The following ZNF385D variants were observed in gnomAD, a reference collection of about 807,000 sequenced individuals.
ZNF385D encodes zinc finger protein 659.
In ZNF385D, 15 loss-of-function variants were observed where a neutral mutation model predicts 35.8. The ratio of observed to expected loss-of-function variants is 0.42; its 90% CI spans 0.28 to 0.64. ZNF385D has a LOEUF of 0.64. Among genes scored for constraint, ZNF385D ranks in the 30% least tolerant of loss-of-function variants. The probability of loss-of-function intolerance (pLI) is 0.23; values close to 1 mark genes in which losing one functional copy is unlikely to be tolerated. For missense variants in ZNF385D, 474 were observed against 494.6 expected, an observed-to-expected ratio of 0.96 and a Z score of 0.39; for synonymous variants, 212 against 186.8, an observed-to-expected ratio of 1.13 and a Z score of -1.10.
At chr3:22,200,481 T>C (rs1175408533) in intron 2 of ZNF385D, among the ~76,000 whole-genome samples, 1 of 151,874 alleles carries the variant, frequency 6.6e-6, no homozygotes, top group African/African-American at 2.4e-5. Flanking sequence ...CACAAGGTAA[T>C]AGAATATCAC....
At chr3:21,551,243 C>T (rs994506644) in intron 3 of ZNF385D, among the ~76,000 whole-genome samples, 1 of 152,182 alleles carries the variant, frequency 6.6e-6, no homozygotes, top group Non-Finnish European at 1.5e-5. Context: ...GTAGTAACAA[C>T]CATTGAAACT....
At chr3:22,175,405 T>A (rs145488547) in intron 2 of ZNF385D, among the ~76,000 whole-genome samples, 195 of 152,040 alleles carry the variant, frequency 1.3e-3, no homozygotes, top group African/African-American at 4.4e-3. Flanking sequence ...ACAATTATCA[T>A]AAGTGGATTT....
chr3:22,074,208 C>T (rs939344569), intron 3 of ZNF385D, among the ~76,000 whole-genome samples: 16 of 151,816 alleles, frequency 1.1e-4, no homozygotes, highest in Middle Eastern at 3.4e-3. Context: ...TCTGTGCCAG[C>T]TCATTTGCTC....
chr3:21,571,971 G>A (rs1186771231), intron 2 of ZNF385D, among the ~76,000 whole-genome samples: 1 of 151,988 alleles, frequency 6.6e-6, no homozygotes, highest in Non-Finnish European at 1.5e-5. Flanking sequence ...TTTTTTTGTG[G>A]ATTGCATTAT....
intron 3 of ZNF385D, among the ~76,000 whole-genome samples, chr3:21,897,923 T>G (rs1271968029): frequency 3.9e-5 from 6 of 152,192 alleles, no homozygotes. Context: ...TTTGTTGTTA[T>G]TTGTTAGTTT....
At chr3:21,938,336 C>T (rs1213627446) in intron 3 of ZNF385D, among the ~76,000 whole-genome samples, 3 of 152,186 alleles carry the variant, frequency 2.0e-5, no homozygotes, top group Non-Finnish European at 2.9e-5. Context: ...ACACATGTCA[C>T]TGAAGTGTAT....
chr3:22,254,659 CTA>C (rs1432044596), intron 2 of ZNF385D, among the ~76,000 whole-genome samples: 1 of 151,702 alleles, frequency 6.6e-6, no homozygotes, highest in African/African-American at 2.4e-5. Flanking sequence ...ACATACATAA[CTA>C]TGATAAAGTT....
At chr3:21,823,615 T>A (rs1575722766) in intron 3 of ZNF385D, among the ~76,000 whole-genome samples, 1 of 152,310 alleles carries the variant, frequency 6.6e-6, no homozygotes, top group East Asian at 1.9e-4. Context: ...GTGATAATTT[T>A]GCACACAGTC....
rs145563130 is a variant in ZNF385D at position 22,252,149 on chromosome 3, CTG to C, written c.107-83116_107-83115del. 8.1e-3 allele frequency among the ~76,000 whole-genome samples: 1,225 copies of C among 152,042 alleles called. 33 individuals carry two copies. Among genetic ancestry groups the C allele is most frequent in the African/African-American group, 0.028 (1,173 of 41,462 alleles). On this transcript the variant is annotated intron_variant, in intron 2 of 5. Coordinates refer to the ZNF385D transcript ENST00000494108. ...CCTCTACTTGGATGTAAACATTAGA[CTG>C]TGATAATATTATTTGCCTCAGAATT...
At chr3:22,060,313 T>TAA (rs1699626777) in intron 3 of ZNF385D, among the ~76,000 whole-genome samples, 1 of 152,210 alleles carries the variant, frequency 6.6e-6, no homozygotes, top group Non-Finnish European at 1.5e-5. Flanking sequence ...TCTGTTTCTC[T>TAA]AAAGAACTCT....
rs776985573 is a variant in ZNF385D at position 21,938,902 on chromosome 3, A to G, written c.325+229915T>C. 3.3e-5 allele frequency among the ~76,000 whole-genome samples: 5 copies of G among 152,178 alleles called. No individual in the cohort carries two copies. In the South Asian group the frequency reaches 6.2e-4, roughly 19 times the overall value. ...TCGTTACTTTGCAATTTAGTATATAAGTGTATTCTTCATTGTTTGAAGCTC... is the reference window on the plus strand; with the variant it reads ...TCGTTACTTTGCAATTTAGTATATAGGTGTATTCTTCATTGTTTGAAGCTC... On this transcript the variant is annotated intron_variant, in intron 3 of 5. Coordinates refer to the ZNF385D transcript ENST00000494108.
At chr3:21,422,954 C>G (rs1559434207) in intron 7 of ZNF385D, among the ~76,000 whole-genome samples, 1 of 152,120 alleles carries the variant, frequency 6.6e-6, no homozygotes. Flanking sequence ...TCTCACCACT[C>G]CTATTCAACA....
intron 1 of ZNF385D, among the ~76,000 whole-genome samples, chr3:21,747,353 G>A (rs2069826237): frequency 6.6e-6 from 1 of 152,042 alleles, no homozygotes; most frequent in African/African-American, 2.4e-5. Flanking sequence ...TTCTCATGGG[G>A]GCAAGCCCCA....
intron 3 of ZNF385D, among the ~76,000 whole-genome samples, chr3:21,837,277 T>C (rs1695389925): frequency 1.3e-5 from 2 of 152,142 alleles, no homozygotes; most frequent in Admixed American, 6.6e-5. Flanking sequence ...CAAAATTTAG[T>C]GTCTTCAAAC....
At chr3:21,861,162 C>G (rs543964763) in intron 3 of ZNF385D, among the ~76,000 whole-genome samples, 1 of 152,108 alleles carries the variant, frequency 6.6e-6, no homozygotes, top group Non-Finnish European at 1.5e-5. Context: ...GGACAGTCCC[C>G]GCTTCAGCTT....
At chr3:21,853,128 A>T (rs2125814141) in intron 3 of ZNF385D, among the ~76,000 whole-genome samples, 1 of 151,528 alleles carries the variant, frequency 6.6e-6, no homozygotes, top group Admixed American at 6.6e-5. Flanking sequence ...TATAGCAAAA[A>T]GATACATTTA....
In ZNF385D at chr3:21,438,854, G is replaced by T. The variant is rs551986605; in HGVS notation, c.440-1651C>A. Among the ~76,000 whole-genome samples the T allele has an allele frequency of 5.3e-5, 8 of 152,148 alleles. No individual in the cohort carries two copies. The South Asian group carries it at 1.7e-3, about 32-fold the overall frequency. ...GTCACTAGAATACATTTATTCCCTT[G>T]CACACTGAAAGGTCCACTCCCTGAT... On this transcript the variant is annotated intron_variant, in intron 4 of 7. Coordinates refer to ENST00000281523, the MANE Select transcript of ZNF385D (RefSeq NM_024697.3).
rs182273496 is a variant in ZNF385D at position 21,888,186 on chromosome 3, T to A, written c.326-223158A>T. ...TGTATCAAGTATAACAGTTCAAAATTGTATTGCTTCAAAAATGTTCATTAG... is the reference window on the plus strand; with the variant it reads ...TGTATCAAGTATAACAGTTCAAAATAGTATTGCTTCAAAAATGTTCATTAG... On this transcript the variant is annotated intron_variant, in intron 3 of 5. Coordinates refer to the ZNF385D transcript ENST00000494108. 2.8e-3 allele frequency among the ~76,000 whole-genome samples: 421 copies of A among 152,314 alleles called. 2 individuals carry two copies. Among genetic ancestry groups the A allele is most frequent in the African/African-American group, 9.6e-3 (398 of 41,568 alleles).
chr3:21,580,691 A>AAC (rs142294777), intron 2 of ZNF385D, among the ~76,000 whole-genome samples: 1 of 151,454 alleles, frequency 6.6e-6, no homozygotes, highest in Admixed American at 6.6e-5. Context: ...ATTCCAAGAT[A>AAC]ATATATATAT....
Sources: gnomAD v4.1 joint callset for allele counts (sites outside exome capture counted in the v4.1 genomes callset) on GRCh38, gnomAD v4.1.1 for gene constraint, MANE v1.5 for transcripts, NCBI Gene and HGNC (gene_info 2026-07-23, HGNC 2026-07-21) for gene names.